The following COL24A1 variants were observed in gnomAD, a reference collection of about 807,000 sequenced individuals.
COL24A1 encodes the protein collagen type XXIV alpha 1 chain, also known as collagen alpha-1(XXIV) chain.
In COL24A1, 224 loss-of-function variants were observed where a neutral mutation model predicts 253.9. The observed-to-expected ratio is 0.88, with a 90% CI of 0.79 to 0.99. COL24A1 has a LOEUF of 0.99. Among genes scored for constraint, COL24A1 ranks in the 50% least tolerant of loss-of-function variants. The probability of loss-of-function intolerance (pLI) is 0.00; values close to 1 mark genes in which losing one functional copy is unlikely to be tolerated. For missense variants in COL24A1, 2,131 were observed against 2,068.5 expected, an observed-to-expected ratio of 1.03 and a Z score of -0.59; for synonymous variants, 685 against 673.7, an observed-to-expected ratio of 1.02 and a Z score of -0.26.
chr1:85,809,771 ATATATATAGTATATAATAT>A (rs1416866873), intron 47 of COL24A1, among the ~76,000 whole-genome samples: 310 of 148,124 alleles, frequency 2.1e-3, no homozygotes, highest in African/African-American at 3.4e-3. Context: ...ACACACACAC[ATATATATAGTATATAATAT>A]TATATATAGT....
At chr1:86,135,532 A>G (rs1650090770) in intron 2 of COL24A1, among the ~76,000 whole-genome samples, 1 of 151,710 alleles carries the variant, frequency 6.6e-6, no homozygotes, top group South Asian at 2.1e-4. Flanking sequence ...TGTTCTTTAA[A>G]TTCATTTTTG....
At chr1:85,908,712 G>A (rs2102909991) in intron 26 of COL24A1, 61 bp from the exon 27 acceptor site, 6 of 691,638 alleles carry the variant, frequency 8.7e-6, no homozygotes, top group South Asian at 3.3e-5. Flanking sequence ...TATTTTCATT[G>A]AAGACAAGCC....
At position 85,785,538 on chromosome 1, in the gene COL24A1, T is replaced by C. The variant is rs188851164; in HGVS notation, c.4059+816A>G. Reference sequence around the variant, plus strand: ...GCAAATTCAAGCCTAAAACATGGGATCTTTACTTCTTTTCCTGGCTTTAGC... The same window carrying C: ...GCAAATTCAAGCCTAAAACATGGGACCTTTACTTCTTTTCCTGGCTTTAGC... On this transcript the variant is annotated intron_variant, in intron 48 of 59. Transcript: ENST00000370571. Among the ~76,000 whole-genome samples, 95 of 152,376 alleles carry C rather than the reference T, an allele frequency of 6.2e-4. 1 individual carries two copies. The highest frequency in any genetic ancestry group is 6.8e-3 in the Middle Eastern group (2 of 294).
At chr1:85,748,741 G>T (rs998427239) in intron 55 of COL24A1, among the ~76,000 whole-genome samples, 1 of 135,270 alleles carries the variant, frequency 7.4e-6, no homozygotes, top group Non-Finnish European at 1.6e-5. Context: ...GGGTCAGGGA[G>T]TTCCCTTTCC....
At chr1:86,097,151 A>G (rs1219021928) in intron 5 of COL24A1, among the ~76,000 whole-genome samples, 1 of 152,154 alleles carries the variant, frequency 6.6e-6, no homozygotes, top group Non-Finnish European at 1.5e-5. Flanking sequence ...ATCTTAAAAA[A>G]AGCTTTCCTT....
At chr1:85,913,018 A>G (rs72954505) in intron 24 of COL24A1, among the ~76,000 whole-genome samples, 1,809 of 152,242 alleles carry the variant, frequency 0.012, 29 homozygotes, top group African/African-American at 0.04. Flanking sequence ...GTGGCTTATA[A>G]TTTTGACTTG....
At chr1:85,945,018 T>TTTGTTTG (rs1689169172) in intron 24 of COL24A1, among the ~76,000 whole-genome samples, 2 of 86,838 alleles carry the variant, frequency 2.3e-5, no homozygotes, top group East Asian at 4.2e-4. Context: ...TTTTTTTTTT[T>TTTGTTTG]TTTTTTTTTT....
chr1:85,963,133 T>C (rs1045563960), intron 23 of COL24A1, among the ~76,000 whole-genome samples: 1 of 152,164 alleles, frequency 6.6e-6, no homozygotes, highest in Non-Finnish European at 1.5e-5. Flanking sequence ...TTCTATTGAA[T>C]AGTGGTGATT....
chr1:86,061,392 C>A (rs1701081511), intron 8 of COL24A1, among the ~76,000 whole-genome samples: 1 of 152,078 alleles, frequency 6.6e-6, no homozygotes, highest in African/African-American at 2.4e-5. Flanking sequence ...CACTATCTAT[C>A]TGGCTAATGA....
chr1:85,918,955 C>G (rs1292669637), intron 24 of COL24A1, among the ~76,000 whole-genome samples: 2 of 152,206 alleles, frequency 1.3e-5, no homozygotes, highest in Non-Finnish European at 2.9e-5. Flanking sequence ...GAGTGCCCGT[C>G]ACCATGGGAG....
At chr1:86,082,647 T>TATATTTATATAAATATATAAC (rs1328098735) in intron 7 of COL24A1, among the ~76,000 whole-genome samples, 1 of 147,862 alleles carries the variant, frequency 6.8e-6, no homozygotes, top group African/African-American at 2.4e-5. Context: ...ATATATAACA[T>TATATTTATATAAATATATAAC]ATATTTATAT....
At chr1:85,972,052 T>C (rs950945350) in intron 20 of COL24A1, among the ~76,000 whole-genome samples, 1 of 152,182 alleles carries the variant, frequency 6.6e-6, no homozygotes, top group South Asian at 2.1e-4. Flanking sequence ...TTTTAAAAAG[T>C]CTTAAATCAG....
chr1:85,909,053 T>A (rs553183821), intron 26 of COL24A1, among the ~76,000 whole-genome samples: 1 of 151,840 alleles, frequency 6.6e-6, no homozygotes, highest in Non-Finnish European at 1.5e-5. Context: ...CCAGGAGCTC[T>A]CTAATTAAGC....
chr1:86,051,913 G>A (rs978301429), intron 10 of COL24A1, among the ~76,000 whole-genome samples: 2 of 152,114 alleles, frequency 1.3e-5, no homozygotes, highest in Non-Finnish European at 1.5e-5. Flanking sequence ...ATATTCAAAT[G>A]TAATTATCAT....
intron 43 of COL24A1, among the ~76,000 whole-genome samples, chr1:85,828,396 T>C (rs997493296): frequency 2.6e-5 from 4 of 151,122 alleles, no homozygotes; most frequent in African/African-American, 9.7e-5. Flanking sequence ...AAATGTATAT[T>C]CTGTTGATTT....
chr1:86,003,795 A>AGG (rs1695666978), intron 19 of COL24A1, among the ~76,000 whole-genome samples: 2 of 151,526 alleles, frequency 1.3e-5, no homozygotes, highest in South Asian at 4.2e-4. Flanking sequence ...AAAATAGAGG[A>AGG]AGAGAGATCT....
intron 19 of COL24A1, among the ~76,000 whole-genome samples, chr1:86,012,413 T>C (rs1031631987): frequency 1.3e-5 from 2 of 151,798 alleles, no homozygotes; most frequent in Non-Finnish European, 2.9e-5. Flanking sequence ...CACAGTGAAA[T>C]CCCATCTCAA....
chr1:85,865,606 G>A (rs572980124), intron 37 of COL24A1, among the ~76,000 whole-genome samples: 1 of 152,202 alleles, frequency 6.6e-6, no homozygotes, highest in Admixed American at 6.5e-5. Context: ...GGGATTCCTT[G>A]CTGTGGTATT....
chr1:85,885,503 G>A (rs1682395052), intron 32 of COL24A1, among the ~76,000 whole-genome samples: 3 of 151,450 alleles, frequency 2.0e-5, no homozygotes, highest in Non-Finnish European at 2.9e-5. Context: ...TTACAGGTGT[G>A]AGCCACCGTG....
Sources: gnomAD v4.1 joint callset for allele counts (sites outside exome capture counted in the v4.1 genomes callset) on GRCh38, gnomAD v4.1.1 for gene constraint, MANE v1.5 for transcripts, NCBI Gene and HGNC (gene_info 2026-07-23, HGNC 2026-07-21) for gene names.